The following SLMAP variants were observed in gnomAD, a reference collection of about 807,000 sequenced individuals.
The protein encoded by SLMAP is sarcolemmal membrane-associated protein.
Under a neutral mutation model 128.8 loss-of-function variants are expected in SLMAP, and 44 were observed. The observed-to-expected ratio is 0.34, with a 90% CI of 0.27 to 0.44. The LOEUF (loss-of-function observed/expected upper bound fraction) is 0.44, where lower values mean the gene tolerates loss of function less well. SLMAP is among the 20% of genes least tolerant of loss of function. The pLI is 1.00. For synonymous variants in SLMAP, 327 were observed against 348.8 expected (o/e 0.94, Z 0.70); for missense variants, 787 against 985.3 (o/e 0.80, Z 2.69).
intron 9 of SLMAP, 103 bp from the exon 10 acceptor site, chr3:57,861,846 A>G: frequency 1.0e-6 from 1 of 966,836 alleles, no homozygotes; most frequent in Non-Finnish European, 1.6e-6. Flanking sequence ...TTGATTTAGA[A>G]TAGTCCATAG....
At chr3:57,857,542 CTG>C (rs1426763421) in intron 6 of SLMAP, among the ~76,000 whole-genome samples, 189 bp from the exon 7 acceptor site, 1 of 152,114 alleles carries the variant, frequency 6.6e-6, no homozygotes, top group African/African-American at 2.4e-5. Context: ...ATAACTGAAA[CTG>C]TGGAAAGGGA....
intron 14 of SLMAP, among the ~76,000 whole-genome samples, chr3:57,878,421 TTCA>T (rs914078676): frequency 5.3e-5 from 8 of 152,228 alleles, no homozygotes; most frequent in South Asian, 4.1e-4. Context: ...TCTCAGTTTC[TTCA>T]TCATATTTTC....
intron 4 of SLMAP, among the ~76,000 whole-genome samples, chr3:57,844,164 G>A (rs1344725336): frequency 1.3e-5 from 2 of 151,920 alleles, no homozygotes; most frequent in African/African-American, 2.4e-5. Context: ...ACTCTGAGGC[G>A]GACAGATTGC....
At chr3:57,791,509 A>G (rs369221687) in intron 2 of SLMAP, among the ~76,000 whole-genome samples, 3 of 152,314 alleles carry the variant, frequency 2.0e-5, no homozygotes, top group East Asian at 3.9e-4. Context: ...TGGCTCTGCT[A>G]CTAAGATAAC....
chr3:57,852,507 C>A (rs1343763918), intron 6 of SLMAP, among the ~76,000 whole-genome samples: 1 of 152,114 alleles, frequency 6.6e-6, no homozygotes, highest in African/African-American at 2.4e-5. Flanking sequence ...ATAGTAATAG[C>A]ACTTAACTTA....
chr3:57,917,270 G>A (rs2096832083), intron 22 of SLMAP, 193 bp downstream of exon 22: 2 of 1,397,372 alleles, frequency 1.4e-6, no homozygotes, highest in Non-Finnish European at 1.9e-6. Flanking sequence ...TCTTCAGTAG[G>A]GTTGGTCTCA....
At chr3:57,828,384 C>G (rs1378326543) in intron 2 of SLMAP, among the ~76,000 whole-genome samples, 1 of 152,002 alleles carries the variant, frequency 6.6e-6, no homozygotes, top group Non-Finnish European at 1.5e-5. Context: ...TTTAATATGT[C>G]AATCTTTCAA....
At chr3:57,777,200 G>A (rs996199072) in intron 2 of SLMAP, among the ~76,000 whole-genome samples, 30 of 151,854 alleles carry the variant, frequency 2.0e-4, no homozygotes, top group African/African-American at 7.3e-4. Flanking sequence ...GTATACATAT[G>A]TAACTAACCT....
chr3:57,890,972 G>T (rs1283171260), intron 15 of SLMAP: 1 of 152,080 alleles, frequency 6.6e-6, no homozygotes, highest in Non-Finnish European at 1.5e-5. Flanking sequence ...TGAATTTTGT[G>T]CACGGCAGAT....
At chr3:57,768,383 C>A (rs1219135422) in intron 2 of SLMAP, among the ~76,000 whole-genome samples, 2 of 152,114 alleles carry the variant, frequency 1.3e-5, no homozygotes, top group African/African-American at 4.8e-5. Context: ...TCAAGCTTTT[C>A]TTATTTTTTA....
chr3:57,865,624 A>G (rs923531108), intron 13 of SLMAP, among the ~76,000 whole-genome samples: 3 of 152,210 alleles, frequency 2.0e-5, no homozygotes, highest in African/African-American at 7.2e-5. Flanking sequence ...TTCTGCCTCC[A>G]GTGATACTTG....
intron 6 of SLMAP, among the ~76,000 whole-genome samples, chr3:57,853,955 T>TTATTTATATATATA (rs1553880926): frequency 6.3e-5 from 2 of 31,942 alleles, no homozygotes; most frequent in Non-Finnish European, 1.0e-4. Flanking sequence ...AAAAAAAAAA[T>TTATTTATATATATA]TATATATATA....
At chr3:57,898,853 C>T (rs953207711) in intron 17 of SLMAP, 3 of 152,308 alleles carry the variant, frequency 2.0e-5, no homozygotes, top group East Asian at 3.9e-4. Flanking sequence ...TGCTTAACTG[C>T]TCTGTGATTC....
intron 6 of SLMAP, among the ~76,000 whole-genome samples, chr3:57,853,973 A>AATTAT (rs1465523823): frequency 4.0e-5 from 4 of 99,534 alleles, no homozygotes; most frequent in African/African-American, 1.6e-4. Context: ...ATATATATAT[A>AATTAT]TATATATATA....
chr3:57,757,973 C>T, intron 2 of SLMAP, 124 bp downstream of exon 2: 1 of 775,390 alleles, frequency 1.3e-6, no homozygotes, highest in Admixed American at 2.3e-5. Flanking sequence ...TTGCGCAAAG[C>T]CACGAATCAA....
chr3:57,822,467 C>T (rs1345700388), intron 2 of SLMAP, among the ~76,000 whole-genome samples: 1 of 152,208 alleles, frequency 6.6e-6, no homozygotes, highest in Non-Finnish European at 1.5e-5. Context: ...CTCGCATGAA[C>T]TGTCTGAAGC....
intron 2 of SLMAP, among the ~76,000 whole-genome samples, chr3:57,808,475 T>G (rs1235914510): frequency 6.6e-6 from 1 of 152,212 alleles, no homozygotes; most frequent in African/African-American, 2.4e-5. Flanking sequence ...TCTCATTGGT[T>G]TCAGAGAACT....
At chr3:57,854,039 A>G (rs1297536123) in intron 6 of SLMAP, among the ~76,000 whole-genome samples, 2 of 101,716 alleles carry the variant, frequency 2.0e-5, no homozygotes, top group Non-Finnish European at 4.0e-5. Context: ...TATAATGTGT[A>G]TATATATACA....
intron 22 of SLMAP, chr3:57,918,624 T>C (rs898439429): frequency 2.0e-5 from 3 of 152,226 alleles, no homozygotes; most frequent in Admixed American, 6.5e-5. Flanking sequence ...TTGGATACTA[T>C]ATACTATAGT....
Sources: allele counts gnomAD v4.1 joint callset (sites outside exome capture counted in the v4.1 genomes callset), GRCh38; gene constraint gnomAD v4.1.1; transcripts MANE v1.5; gene names NCBI Gene and HGNC (gene_info 2026-07-23, HGNC 2026-07-21).